Variants in GPC6 observed in about 807,000 individuals in gnomAD.
GPC6 encodes glypican 6, also known as glypican-6.
A neutral mutation model predicts 55.2 loss-of-function variants in GPC6; 14 were observed. The ratio of observed to expected loss-of-function variants is 0.25; its 90% CI spans 0.17 to 0.40. The LOEUF is 0.40. Among genes scored for constraint, GPC6 ranks in the 10% least tolerant of loss-of-function variants. The probability of loss-of-function intolerance (pLI) is 1.00; values close to 1 mark genes in which losing one functional copy is unlikely to be tolerated. For synonymous variants in GPC6, 278 were observed against 259.6 expected (o/e 1.07, Z -0.68); for missense variants, 641 against 708.5 (o/e 0.90, Z 1.08).
chr13:93,663,319 C>T (rs949203019), intron 2 of GPC6, among the ~76,000 whole-genome samples: 1 of 152,074 alleles, frequency 6.6e-6, no homozygotes, highest in African/African-American at 2.4e-5. Flanking sequence ...AGCATGGCAC[C>T]TTGGGCAGAA....
chr13:93,891,237 G>A (rs2140318049), intron 3 of GPC6, among the ~76,000 whole-genome samples: 1 of 152,096 alleles, frequency 6.6e-6, no homozygotes, highest in Middle Eastern at 3.4e-3. Context: ...TCAGAAAAAA[G>A]CAAATTATGC....
intron 1 of GPC6, among the ~76,000 whole-genome samples, chr13:93,386,131 C>A (rs1196698400): frequency 2.0e-5 from 3 of 148,610 alleles, no homozygotes; most frequent in African/African-American, 7.4e-5. Flanking sequence ...CACCTATCCA[C>A]TATACTCAGT....
At chr13:93,475,874 G>T in intron 1 of GPC6, among the ~76,000 whole-genome samples, 1 of 152,038 alleles carries the variant, frequency 6.6e-6, no homozygotes, top group East Asian at 1.9e-4. Context: ...AAAAACATTT[G>T]AACAAGCATT....
chr13:93,424,985 C>T (rs1049790905), intron 1 of GPC6, among the ~76,000 whole-genome samples: 1 of 152,086 alleles, frequency 6.6e-6, no homozygotes, highest in Non-Finnish European at 1.5e-5. Context: ...ACACAGACCA[C>T]CTGATCCTAG....
intron 6 of GPC6, among the ~76,000 whole-genome samples, chr13:94,308,427 G>C (rs1876068097): frequency 6.6e-6 from 1 of 152,110 alleles, no homozygotes; most frequent in African/African-American, 2.4e-5. Flanking sequence ...TAGACAAGTA[G>C]CAAACAGAAT....
At chr13:93,802,342 TTCCC>T (rs1886402199) in intron 2 of GPC6, among the ~76,000 whole-genome samples, 1 of 152,122 alleles carries the variant, frequency 6.6e-6, no homozygotes, top group Non-Finnish European at 1.5e-5. Context: ...ACTCAGACAC[TTCCC>T]CTTCCCGAAT....
chr13:93,915,266 T>C (rs577475127), intron 3 of GPC6, among the ~76,000 whole-genome samples: 118 of 152,344 alleles, frequency 7.7e-4, no homozygotes, highest in African/African-American at 2.6e-3. Context: ...ATGTAGTACA[T>C]ACTAACATCC....
chr13:93,362,034 G>A (rs535896548), intron 1 of GPC6, among the ~76,000 whole-genome samples: 3 of 152,196 alleles, frequency 2.0e-5, no homozygotes, highest in Non-Finnish European at 2.9e-5. Flanking sequence ...ACTGTGTTTT[G>A]TAATAAATAA....
intron 4 of GPC6, among the ~76,000 whole-genome samples, chr13:94,031,926 G>A: frequency 6.7e-6 from 1 of 148,172 alleles, no homozygotes; most frequent in East Asian, 2.2e-4. Flanking sequence ...TAAAATTGAG[G>A]ATGTGTGGGA....
intron 7 of GPC6, among the ~76,000 whole-genome samples, chr13:94,398,048 C>T (rs1880968197): frequency 6.6e-6 from 1 of 152,162 alleles, no homozygotes. Context: ...TGCTCCTCTT[C>T]CACCATGATT....
intron 4 of GPC6, among the ~76,000 whole-genome samples, chr13:94,034,240 GGAAGGAA>G (rs1883252964): frequency 1.3e-5 from 2 of 150,280 alleles, no homozygotes; most frequent in African/African-American, 4.9e-5. Flanking sequence ...AAGGAAGGAA[GGAAGGAA>G]GGAAAGAAAG....
chr13:93,400,814 T>A (rs2139231593), intron 1 of GPC6, among the ~76,000 whole-genome samples: 1 of 152,140 alleles, frequency 6.6e-6, no homozygotes, highest in East Asian at 1.9e-4. Flanking sequence ...AAAACTTCAG[T>A]GAAATACTCT....
intron 2 of GPC6, among the ~76,000 whole-genome samples, chr13:93,735,773 T>C (rs1883980475): frequency 6.6e-6 from 1 of 152,186 alleles, no homozygotes; most frequent in Non-Finnish European, 1.5e-5. Flanking sequence ...TTATGGACTA[T>C]ATGAATGGCT....
At chr13:93,434,870 T>G (rs1323352614) in intron 1 of GPC6, among the ~76,000 whole-genome samples, 1 of 151,312 alleles carries the variant, frequency 6.6e-6, no homozygotes, top group African/African-American at 2.4e-5. Context: ...CCATGCCCAG[T>G]TCATGTTTGT....
chr13:93,730,650 G>A (rs1337056779), intron 2 of GPC6, among the ~76,000 whole-genome samples: 1 of 152,138 alleles, frequency 6.6e-6, no homozygotes, highest in African/African-American at 2.4e-5. Context: ...GCTCCCTAAA[G>A]TGTCTAAGGT....
intron 1 of GPC6, among the ~76,000 whole-genome samples, chr13:93,444,412 GC>G (rs1877920093): frequency 1.3e-5 from 2 of 152,076 alleles, no homozygotes; most frequent in Non-Finnish European, 2.9e-5. Context: ...TTTGAGACCA[GC>G]CTGCCTAATA....
intron 3 of GPC6, among the ~76,000 whole-genome samples, chr13:93,977,440 T>A (rs901160870): frequency 6.6e-6 from 1 of 150,918 alleles, no homozygotes; most frequent in African/African-American, 2.4e-5. Context: ...CCAAATTGGT[T>A]TTCTATGATT....
intron 1 of GPC6, among the ~76,000 whole-genome samples, chr13:93,503,940 C>T (rs2139374881): frequency 6.6e-6 from 1 of 151,664 alleles, no homozygotes; most frequent in Admixed American, 6.6e-5. Context: ...TAAGATAAAC[C>T]CTTTAGATTT....
At chr13:94,136,241 G>A (rs1040062215) in intron 4 of GPC6, among the ~76,000 whole-genome samples, 4 of 139,766 alleles carry the variant, frequency 2.9e-5, no homozygotes, top group African/African-American at 1.1e-4. Flanking sequence ...TTCATACCTA[G>A]TACTAATTAC....
Sources: gnomAD v4.1 joint callset for allele counts (sites outside exome capture counted in the v4.1 genomes callset) on GRCh38, gnomAD v4.1.1 for gene constraint, MANE v1.5 for transcripts, NCBI Gene and HGNC (gene_info 2026-07-23, HGNC 2026-07-21) for gene names.